The following PRKACB variants were observed in gnomAD, a reference collection of about 807,000 sequenced individuals.
PRKACB encodes the protein protein kinase cAMP-activated catalytic subunit beta.
PRKACB carries 16 observed loss-of-function variants against 51.4 expected under a neutral mutation model. The ratio of observed to expected loss-of-function variants is 0.31; its 90% CI spans 0.21 to 0.47. The LOEUF (loss-of-function observed/expected upper bound fraction) is 0.47. Among genes scored for constraint, PRKACB ranks in the 20% least tolerant of loss-of-function variants. The pLI, the probability that PRKACB is intolerant of heterozygous loss-of-function variation, is 1.00. For synonymous variants in PRKACB, 147 were observed against 154.4 expected (o/e 0.95, Z 0.35); for missense variants, 309 against 464.5 (o/e 0.67, Z 3.08).
chr1:84,086,055 A>G (rs935587410), intron 1 of PRKACB: 7 of 1,016,634 alleles, frequency 6.9e-6, no homozygotes, highest in East Asian at 2.4e-5. Context: ...GTCAAGCAGC[A>G]TAGGAAAGTG....
At chr1:84,165,152 AT>A in intron 1 of PRKACB, 1 of 631,470 alleles carries the variant, frequency 1.6e-6, no homozygotes, top group Non-Finnish European at 2.5e-6. Flanking sequence ...GTACTTAGGC[AT>A]TATAGTAAAT....
intron 2 of PRKACB, among the ~76,000 whole-genome samples, chr1:84,179,746 T>C (rs1391867569): frequency 1.3e-5 from 2 of 151,942 alleles, no homozygotes; most frequent in African/African-American, 4.8e-5. Flanking sequence ...CCATCTATAC[T>C]TTACAAAAAT....
At chr1:84,211,131 A>T (rs1482906605) in intron 8 of PRKACB, among the ~76,000 whole-genome samples, 5 of 37,276 alleles carry the variant, frequency 1.3e-4, no homozygotes, top group South Asian at 1.3e-3. Flanking sequence ...CCACTGTCAC[A>T]CACACACACA....
At chr1:84,194,755 C>A (rs376137569) in intron 5 of PRKACB, among the ~76,000 whole-genome samples, 1 of 151,810 alleles carries the variant, frequency 6.6e-6, no homozygotes, top group Non-Finnish European at 1.5e-5. Context: ...GCAAACCAAA[C>A]CCTCCACACA....
intron 1 of PRKACB, 92 bp downstream of exon 1, chr1:84,144,640 T>C (rs1168479697): frequency 1.5e-6 from 2 of 1,320,072 alleles, no homozygotes; most frequent in Admixed American, 5.4e-5. Flanking sequence ...CTCTTTTGTT[T>C]GTTGTTTTCT....
intron 2 of PRKACB, among the ~76,000 whole-genome samples, chr1:84,180,753 G>T (rs904306388): frequency 2.6e-5 from 4 of 151,788 alleles, no homozygotes; most frequent in African/African-American, 9.7e-5. Flanking sequence ...TAGCCACAAA[G>T]ATTAAACATT....
intron 1 of PRKACB, among the ~76,000 whole-genome samples, chr1:84,104,479 T>C (rs1031272834): frequency 2.0e-5 from 3 of 152,194 alleles, no homozygotes; most frequent in Non-Finnish European, 4.4e-5. Flanking sequence ...ACTGATTTCC[T>C]TCCGTTTGCA....
At chr1:84,172,429 A>C (rs150322433) in intron 1 of PRKACB, among the ~76,000 whole-genome samples, 38 of 151,804 alleles carry the variant, frequency 2.5e-4, no homozygotes, top group African/African-American at 8.7e-4. Context: ...TTTCATTACA[A>C]AATTATGTAG....
chr1:84,121,850 T>A (rs114761386), intron 1 of PRKACB, among the ~76,000 whole-genome samples: 1,690 of 152,110 alleles, frequency 0.011, 40 homozygotes, highest in African/African-American at 0.039. Flanking sequence ...TTGCACACAC[T>A]CTCTTTTCTG....
intron 1 of PRKACB, among the ~76,000 whole-genome samples, chr1:84,129,144 CAT>C (rs1651921803): frequency 6.6e-6 from 1 of 151,966 alleles, no homozygotes; most frequent in Non-Finnish European, 1.5e-5. Context: ...AATAAATTTC[CAT>C]ATCTCTTTTT....
At position 84,110,731 on chromosome 1, in the gene PRKACB, A is replaced by T. The variant is rs557106626; in HGVS notation, c.46+32360A>T. ...GTTCTGTCAGTTCCAATTACTTTCT[A>T]TCTTTGTGACAACATATATCTCTTC... On this transcript the variant is annotated intron_variant, in intron 1 of 8. Coordinates refer to the PRKACB transcript ENST00000370688. Among the ~76,000 whole-genome samples, 86 of 152,010 alleles carry T rather than the reference A, an allele frequency of 5.7e-4. 1 individual carries two copies. The South Asian group carries it at 0.017, about 30-fold the overall frequency.
chr1:84,082,656 T>C (rs1325243489), intron 1 of PRKACB, among the ~76,000 whole-genome samples: 1 of 152,164 alleles, frequency 6.6e-6, no homozygotes, highest in African/African-American at 2.4e-5. Context: ...AAACATTCTG[T>C]GATAATGGAA....
rs539627571 is a variant in PRKACB, at chr1:84,223,373, T to G, written c.1071+9056T>G. Among the ~76,000 whole-genome samples, 22 of 57,548 alleles carry G rather than the reference T, an allele frequency of 3.8e-4. No homozygotes were observed. In the South Asian group the frequency reaches 5.5e-3, roughly 14 times the overall value. 37.8% of individuals were successfully genotyped at this position (57,548 alleles called of 152,430 possible). The stretch of plus-strand genomic sequence containing the variant: ...ATCTGTTTGGTTGTTTTTTTTTGTT[T>G]TTTTGTTTTTTTTGAAATGGTGTCT... On this transcript the variant is annotated intron_variant, in intron 9 of 9. Coordinates refer to ENST00000370685, the MANE Select transcript of PRKACB (RefSeq NM_182948.4).
At chr1:84,194,945 C>T (rs1667805523) in intron 5 of PRKACB, among the ~76,000 whole-genome samples, 1 of 151,992 alleles carries the variant, frequency 6.6e-6, no homozygotes, top group Non-Finnish European at 1.5e-5. Flanking sequence ...TATTATAGAT[C>T]TATGTAATGT....
intron 1 of PRKACB, among the ~76,000 whole-genome samples, chr1:84,078,540 C>T (rs190952328): frequency 2.5e-4 from 38 of 152,302 alleles, no homozygotes; most frequent in Admixed American, 9.1e-4. Flanking sequence ...TCCATTCCGA[C>T]CCCCCAGCTC....
chr1:84,137,253 CAT>C (rs1652921808), intron 1 of PRKACB, among the ~76,000 whole-genome samples: 1 of 152,106 alleles, frequency 6.6e-6, no homozygotes. Context: ...CGTAAAAAGA[CAT>C]GGATAAATTT....
chr1:84,189,575 C>G (rs1666159249), intron 5 of PRKACB, among the ~76,000 whole-genome samples: 1 of 151,752 alleles, frequency 6.6e-6, no homozygotes, highest in South Asian at 2.1e-4. Context: ...ACCTTCAAAT[C>G]ATGTGTAGTG....
chr1:84,204,679 TATA>T (rs1275109534), intron 8 of PRKACB: 14 of 1,036,470 alleles, frequency 1.4e-5, no homozygotes, highest in Non-Finnish European at 1.7e-5. Context: ...ATGTAAATGT[TATA>T]ATAATTGTTT....
intron 1 of PRKACB, among the ~76,000 whole-genome samples, chr1:84,088,534 A>C (rs1170512177): frequency 6.6e-6 from 1 of 152,182 alleles, no homozygotes; most frequent in Non-Finnish European, 1.5e-5. Flanking sequence ...GTTGGTATAG[A>C]TATTACTTCT....
Sources: gnomAD v4.1 joint callset for allele counts (sites outside exome capture counted in the v4.1 genomes callset) on GRCh38, gnomAD v4.1.1 for gene constraint, MANE v1.5 for transcripts, NCBI Gene and HGNC (gene_info 2026-07-23, HGNC 2026-07-21) for gene names.